RNF150: variants seen among roughly 807,000 people sequenced by gnomAD.
RNF150 encodes the protein ring finger protein 150.
RNF150 carries 24 observed loss-of-function variants against 39.3 expected under a neutral mutation model. The observed-to-expected ratio is 0.61, with a 90% confidence interval of 0.44 to 0.86. The LOEUF is 0.86. RNF150 is among the 40% of genes least tolerant of loss of function. The pLI, the probability that RNF150 is intolerant of heterozygous loss-of-function variation, is 0.00. For synonymous variants in RNF150, 255 were observed against 227.3 expected, an observed-to-expected ratio of 1.12 and a Z score of -1.10; for missense variants, 502 against 587.8, an observed-to-expected ratio of 0.85 and a Z score of 1.51.
intron 1 of RNF150, among the ~76,000 whole-genome samples, chr4:141,073,824 C>T (rs1737794919): frequency 1.3e-5 from 2 of 152,072 alleles, no homozygotes; most frequent in East Asian, 1.9e-4. Context: ...TTACCTAAAA[C>T]GCAAGGGATA....
chr4:141,119,438 T>C (rs1002816758), intron 1 of RNF150, among the ~76,000 whole-genome samples: 1 of 152,226 alleles, frequency 6.6e-6, no homozygotes, highest in Non-Finnish European at 1.5e-5. Flanking sequence ...GTCTACCACA[T>C]GCCCATATCC....
intron 6 of RNF150, among the ~76,000 whole-genome samples, chr4:140,873,417 C>T: frequency 6.8e-6 from 1 of 147,556 alleles, no homozygotes; most frequent in East Asian, 1.9e-4. Flanking sequence ...GTAATCCCCC[C>T]AAAGAGCCTG....
intron 1 of RNF150, among the ~76,000 whole-genome samples, chr4:141,014,654 C>T (rs4392574): frequency 0.73 from 110,669 of 152,118 alleles, 41,525 homozygotes; most frequent in Admixed American, 0.83. Context: ...GAGAAATGTC[C>T]ATTCAGGTCC....
At chr4:140,923,733 A>G (rs1020494499) in intron 5 of RNF150, among the ~76,000 whole-genome samples, 3 of 152,218 alleles carry the variant, frequency 2.0e-5, no homozygotes, top group African/African-American at 7.2e-5. Context: ...AATGTCCAAC[A>G]ATGATAGACT....
chr4:141,044,522 T>C (rs1190694659), intron 1 of RNF150, among the ~76,000 whole-genome samples: 2 of 152,176 alleles, frequency 1.3e-5, no homozygotes, highest in Non-Finnish European at 2.9e-5. Flanking sequence ...ATTCTCTCAA[T>C]CACCTATGCT....
intron 1 of RNF150, among the ~76,000 whole-genome samples, chr4:141,170,698 G>A (rs901523653): frequency 6.6e-6 from 1 of 152,042 alleles, no homozygotes; most frequent in East Asian, 1.9e-4. Context: ...TATTAAAACG[G>A]CCAATAAACA....
At position 140,898,738 on chromosome 4, in the gene RNF150, A is replaced by G. The variant is rs543783834; in HGVS notation, c.1198+12406T>C. Among the ~76,000 whole-genome samples, 13 of 151,842 alleles carry G rather than the reference A, an allele frequency of 8.6e-5. No individual in the cohort carries two copies. In the South Asian group the frequency reaches 1.0e-3, roughly 12 times the overall value. On this transcript the variant is annotated intron_variant, in intron 6 of 6. Transcript: ENST00000515673. Reference sequence around the variant, plus strand: ...ATATGCTTTTTAACCCATTGAGTTCATGCTTAAACTTTGATTTCTAAGTCC... The same window carrying G: ...ATATGCTTTTTAACCCATTGAGTTCGTGCTTAAACTTTGATTTCTAAGTCC...
intron 6 of RNF150, among the ~76,000 whole-genome samples, chr4:140,891,200 A>G (rs1729742398): frequency 6.6e-6 from 1 of 152,294 alleles, no homozygotes; most frequent in South Asian, 2.1e-4. Context: ...TTTTATCACC[A>G]TCATCACCAT....
Position 141,045,675 on chromosome 4 carries a change from C to A in RNF150, c.485-77802G>T, listed in dbSNP as rs143700739. ...TCTCCTTTCTTGGCCTCCTGAGTAG[C>A]TCGGATTACAGGCGTCCACCACCAT... On this transcript the variant is annotated intron_variant, in intron 1 of 6. Transcript: ENST00000515673. Among the ~76,000 whole-genome samples, 10 of 152,130 alleles carry A rather than the reference C, an allele frequency of 6.6e-5. No homozygotes were observed. The East Asian group carries it at 1.9e-3, about 29-fold the overall frequency.
intron 1 of RNF150, among the ~76,000 whole-genome samples, chr4:141,055,589 T>C (rs1158144939): frequency 6.6e-6 from 1 of 152,086 alleles, no homozygotes; most frequent in African/African-American, 2.4e-5. Flanking sequence ...TTAAGCACAG[T>C]TAAAGACAGA....
chr4:141,184,582 C>T (rs1727968407), intron 1 of RNF150, among the ~76,000 whole-genome samples: 1 of 152,158 alleles, frequency 6.6e-6, no homozygotes, highest in Non-Finnish European at 1.5e-5. Context: ...TTGCCCATGC[C>T]TATGTCCTGA....
At chr4:140,927,074 G>A (rs1255336507) in intron 4 of RNF150, among the ~76,000 whole-genome samples, 3 of 152,108 alleles carry the variant, frequency 2.0e-5, no homozygotes, top group Admixed American at 2.0e-4. Context: ...AACCTCATTT[G>A]CCTTGTGTTA....
chr4:140,951,953 A>C (rs1346152357), intron 2 of RNF150, among the ~76,000 whole-genome samples: 1 of 152,198 alleles, frequency 6.6e-6, no homozygotes, highest in Non-Finnish European at 1.5e-5. Flanking sequence ...AACCAGAGTA[A>C]TTAAGTAGAA....
intron 1 of RNF150, among the ~76,000 whole-genome samples, chr4:141,061,830 C>T (rs942223786): frequency 2.6e-5 from 4 of 152,114 alleles, no homozygotes; most frequent in Non-Finnish European, 5.9e-5. Context: ...ATAGCATATT[C>T]TACCGATTCA....
Position 140,949,387 on chromosome 4 carries a change from C to T in RNF150, c.736-15G>A, listed in dbSNP as rs375759974. 1.9e-6 allele frequency: 3 copies of T among 1,609,596 alleles called. No homozygotes were observed. The highest frequency in any genetic ancestry group is 2.5e-6 in the Non-Finnish European group (3 of 1,176,842). On this transcript the variant is annotated splice_polypyrimidine_tract_variant and intron_variant, in intron 2 of 6. Transcript: ENST00000515673. ...CCCAGTCGGCGCTGAAAAGCCAAAA[C>T]GTGCTTGTTAATAATAAAGATCTGT...
chr4:140,929,714 C>A (rs9995195), intron 4 of RNF150, among the ~76,000 whole-genome samples: 149,502 of 152,178 alleles, frequency 0.98, 73,501 homozygotes, highest in East Asian at 1. Context: ...TAGTATAGTT[C>A]TTCAATTGAC....
At chr4:141,123,741 C>T (rs1032518188) in intron 1 of RNF150, among the ~76,000 whole-genome samples, 1 of 152,104 alleles carries the variant, frequency 6.6e-6, no homozygotes, top group Non-Finnish European at 1.5e-5. Context: ...GTGGTGTTCC[C>T]CACCCTATGT....
At chr4:141,022,639 A>C (rs1420215454) in intron 1 of RNF150, among the ~76,000 whole-genome samples, 1 of 152,202 alleles carries the variant, frequency 6.6e-6, no homozygotes, top group Non-Finnish European at 1.5e-5. Flanking sequence ...CTTCTTTTTC[A>C]TTCTGTATAT....
intron 3 of RNF150, 120 bp downstream of exon 3, chr4:140,949,181 G>C: frequency 1.5e-6 from 1 of 662,208 alleles, no homozygotes; most frequent in Non-Finnish European, 2.6e-6. Context: ...GATACTGATA[G>C]GACAACTGTT....
Sources: allele counts gnomAD v4.1 joint callset (sites outside exome capture counted in the v4.1 genomes callset), GRCh38; gene constraint gnomAD v4.1.1; transcripts MANE v1.5; gene names NCBI Gene and HGNC (gene_info 2026-07-23, HGNC 2026-07-21).